TNIP3: variants seen among roughly 807,000 people sequenced by gnomAD.
The protein encoded by TNIP3 is TNFAIP3-interacting protein 3.
In TNIP3, 34 loss-of-function variants were observed where a neutral mutation model predicts 54.1. The ratio of observed to expected loss-of-function variants is 0.63; its 90% CI spans 0.48 to 0.84. The LOEUF is 0.84. Ranked by LOEUF, TNIP3 falls within the 40% of genes least tolerant of loss-of-function variation. The pLI, the probability that TNIP3 is intolerant of heterozygous loss-of-function variation, is 0.00. For missense variants in TNIP3, 366 were observed against 387.6 expected, an observed-to-expected ratio of 0.94 and a Z score of 0.47; for synonymous variants, 134 against 136.8, an observed-to-expected ratio of 0.98 and a Z score of 0.14.
At chr4:121,156,425 A>G (rs1449700260) in intron 4 of TNIP3, among the ~76,000 whole-genome samples, 2 of 152,210 alleles carry the variant, frequency 1.3e-5, no homozygotes. Flanking sequence ...AATTGTCACC[A>G]TCCAGTTCTC....
chr4:121,180,775 C>T (rs1724645269), intron 3 of TNIP3, among the ~76,000 whole-genome samples: 1 of 152,178 alleles, frequency 6.6e-6, no homozygotes, highest in South Asian at 2.1e-4. Context: ...TTTTCAAACT[C>T]AACTCGGTCC....
intron 3 of TNIP3, among the ~76,000 whole-genome samples, chr4:121,176,880 A>G (rs1450366468): frequency 1.3e-5 from 2 of 152,142 alleles, no homozygotes; most frequent in Non-Finnish European, 2.9e-5. Context: ...CAGGTCTAGA[A>G]CTTGTCCCCA....
At chr4:121,168,031 T>C (rs114941185), upstream of TNIP3, among the ~76,000 whole-genome samples, 1,741 of 152,244 alleles carry the variant, frequency 0.011, 28 homozygotes, top group African/African-American at 0.039. Flanking sequence ...ATCAAAAATC[T>C]TGGAGTCATC....
At chr4:121,214,738 A>G (rs1258193520) in intron 2 of TNIP3, among the ~76,000 whole-genome samples, 1 of 152,198 alleles carries the variant, frequency 6.6e-6, no homozygotes, top group Non-Finnish European at 1.5e-5. Context: ...TGTAATGCCT[A>G]TAGTATCTTA....
intron 1 of TNIP3, among the ~76,000 whole-genome samples, chr4:121,225,384 T>G (rs1293172845): frequency 6.6e-6 from 1 of 152,242 alleles, no homozygotes; most frequent in Non-Finnish European, 1.5e-5. Flanking sequence ...TAATTGATTT[T>G]TTACTCATGC....
chr4:121,174,528 T>C (rs1724191764), intron 3 of TNIP3, among the ~76,000 whole-genome samples: 1 of 152,170 alleles, frequency 6.6e-6, no homozygotes, highest in African/African-American at 2.4e-5. Context: ...AAGGAACACA[T>C]ACCAGAAGTG....
intron 2 of TNIP3, among the ~76,000 whole-genome samples, chr4:121,211,865 G>T (rs1726493518): frequency 6.6e-6 from 1 of 152,178 alleles, no homozygotes; most frequent in Non-Finnish European, 1.5e-5. Flanking sequence ...GGTTGTCTGT[G>T]GCCTGCCTGG....
upstream of TNIP3, among the ~76,000 whole-genome samples, chr4:121,220,457 A>T (rs570327676): frequency 1.3e-5 from 2 of 152,274 alleles, no homozygotes; most frequent in African/African-American, 4.8e-5. Flanking sequence ...CTGAAAACAG[A>T]ATGCTTTTAG....
chr4:121,157,538 T>A (rs1730191890), intron 3 of TNIP3, among the ~76,000 whole-genome samples: 1 of 152,164 alleles, frequency 6.6e-6, no homozygotes, highest in African/African-American at 2.4e-5. Context: ...CAGGGGAATC[T>A]GTAGGTTTGT....
At position 121,160,028 on chromosome 4, in the gene TNIP3, T is replaced by C. The variant is rs566252605; in HGVS notation, c.147+1108A>G. Among the ~76,000 whole-genome samples, 9 of 152,360 alleles carry C rather than the reference T, an allele frequency of 5.9e-5. No individual in the cohort carries two copies. The East Asian group carries it at 9.6e-4, about 16-fold the overall frequency. On this transcript the variant is annotated intron_variant, in intron 2 of 10. Coordinates refer to ENST00000057513, the MANE Select transcript of TNIP3 (RefSeq NM_024873.6). ...ATTATTATATTGAGAGTTACTCTGTTGGCATTTTAGGGATTCCCATGTGTA... is the reference window on the plus strand; with the variant it reads ...ATTATTATATTGAGAGTTACTCTGTCGGCATTTTAGGGATTCCCATGTGTA...
upstream of TNIP3, among the ~76,000 whole-genome samples, chr4:121,165,210 G>T (rs1306073608): frequency 6.6e-6 from 1 of 151,100 alleles, no homozygotes; most frequent in Admixed American, 6.7e-5. Context: ...TCAAAAGAGA[G>T]TGATTGAGTG....
At chr4:121,207,694 G>T (rs1726261267) in intron 2 of TNIP3, among the ~76,000 whole-genome samples, 1 of 152,162 alleles carries the variant, frequency 6.6e-6, no homozygotes, top group Non-Finnish European at 1.5e-5. Context: ...AACTATGACA[G>T]TGAAAGATAT....
At chr4:121,194,356 C>A (rs998472411) in intron 2 of TNIP3, among the ~76,000 whole-genome samples, 3 of 151,970 alleles carry the variant, frequency 2.0e-5, no homozygotes, top group Non-Finnish European at 2.9e-5. Flanking sequence ...AAATATTAAA[C>A]CTAAAAGATA....
At chr4:121,182,977 C>A (rs757818351) in intron 2 of TNIP3, among the ~76,000 whole-genome samples, 11 of 152,150 alleles carry the variant, frequency 7.2e-5, no homozygotes, top group Non-Finnish European at 1.6e-4. Flanking sequence ...TTTGAAAGAG[C>A]ATTAGAGTTT....
intron 7 of TNIP3, among the ~76,000 whole-genome samples, chr4:121,144,625 C>T (rs1729324329): frequency 6.6e-6 from 1 of 152,214 alleles, no homozygotes; most frequent in Non-Finnish European, 1.5e-5. Context: ...TGGTCTCAAA[C>T]TCCTGATCTC....
rs1015046052 is a variant in TNIP3, at chr4:121,154,759, G to C, written c.364-80C>G. On this transcript the variant is annotated intron_variant, in intron 4 of 10. Coordinates refer to ENST00000057513, the MANE Select transcript of TNIP3 (RefSeq NM_024873.6). ...ATATTGTAGGAATTCTGATATATCA[G>C]CCATGGCAGGCAGATTGAGGGGTCA... is the stretch of plus-strand genomic sequence containing the variant. 6 of 1,350,920 alleles carry C rather than the reference G, an allele frequency of 4.4e-6. No homozygotes were observed. In the Admixed American group the frequency reaches 1.4e-4, roughly 31 times the overall value. 83.7% of individuals were successfully genotyped at this position (1,350,920 alleles called of 1,614,324 possible).
chr4:121,197,395 G>A (rs1725655745), intron 2 of TNIP3, among the ~76,000 whole-genome samples: 1 of 152,116 alleles, frequency 6.6e-6, no homozygotes, highest in African/African-American at 2.4e-5. Flanking sequence ...GGGCGTGGTG[G>A]CGGGTGCCTG....
At chr4:121,171,054 G>T (rs1731037827) in intron 3 of TNIP3, among the ~76,000 whole-genome samples, 1 of 152,126 alleles carries the variant, frequency 6.6e-6, no homozygotes, top group Admixed American at 6.5e-5. Context: ...GACCTCAGGT[G>T]ATCTGCCCAT....
chr4:121,193,041 T>C (rs1725381820), intron 2 of TNIP3: 1 of 152,180 alleles, frequency 6.6e-6, no homozygotes, highest in Non-Finnish European at 1.5e-5. Context: ...TTTATATATA[T>C]GTAGAACTAC....
Sources: gnomAD v4.1 joint callset for allele counts (sites outside exome capture counted in the v4.1 genomes callset) on GRCh38, gnomAD v4.1.1 for gene constraint, MANE v1.5 for transcripts, NCBI Gene and HGNC (gene_info 2026-07-23, HGNC 2026-07-21) for gene names.